Variants in RBM19 observed in about 807,000 individuals in gnomAD.
The protein encoded by RBM19 is RNA binding motif protein 19, also known as probable RNA-binding protein 19.
RBM19 carries 94 observed loss-of-function variants against 116.8 expected under a neutral mutation model. That is an observed-to-expected ratio of 0.80 (90% CI 0.68 to 0.95). RBM19 has a LOEUF of 0.95. Ranked by LOEUF, RBM19 falls within the 40% of genes least tolerant of loss-of-function variation. RBM19 has a pLI of 0.00. For missense variants in RBM19, 1,161 were observed against 1,220.7 expected, an observed-to-expected ratio of 0.95 and a Z score of 0.73; for synonymous variants, 475 against 494.1, an observed-to-expected ratio of 0.96 and a Z score of 0.51.
chr12:113,918,849 G>A (rs1445458800), intron 19 of RBM19, among the ~76,000 whole-genome samples: 2 of 152,166 alleles, frequency 1.3e-5, no homozygotes, highest in African/African-American at 4.8e-5. Context: ...TCTAAAGCTA[G>A]GTTCTAACAT....
chr12:113,837,836 TAG>T (rs1259975074), intron 23 of RBM19, among the ~76,000 whole-genome samples: 4 of 152,240 alleles, frequency 2.6e-5, no homozygotes, highest in Non-Finnish European at 5.9e-5. Context: ...GACAGGTTCA[TAG>T]ATTCTTGGAA....
intron 4 of RBM19, among the ~76,000 whole-genome samples, 200 bp from the exon 5 acceptor site, chr12:113,959,604 A>C (rs1358364043): frequency 1.3e-5 from 2 of 152,192 alleles, no homozygotes; most frequent in Non-Finnish European, 2.9e-5. Flanking sequence ...CTCACTAGAC[A>C]AAACTAAGAG....
rs747231727 is a variant in RBM19, at chr12:113,927,115, G to A, written c.2183C>T (p.Pro728Leu). ...ATTCTTAATAAACAGAGTACATCCT[G>A]GGAGGCTCTCTTCTTCTTCTTCCTC... The part of the protein sequence containing the change: ...EEEEEEEESL[P>L]GCTLFIKNLN... The change falls in exon 17 of 24, where the codon CCA becomes CTA. Residue 728 changes from proline (P) to leucine (L), a missense_variant. Coordinates refer to ENST00000261741, the MANE Select transcript of RBM19 (RefSeq NM_016196.4). 5 of 1,613,392 alleles carry A rather than the reference G, an allele frequency of 3.1e-6. No homozygotes were observed. Among genetic ancestry groups the A allele is most frequent in the East Asian group, 2.2e-5 (1 of 44,884 alleles).
intron 9 of RBM19, among the ~76,000 whole-genome samples, 168 bp from the exon 10 acceptor site, chr12:113,949,204 G>T (rs1488462435): frequency 6.6e-6 from 1 of 152,152 alleles, no homozygotes; most frequent in East Asian, 1.9e-4. Context: ...CATAAGCCAA[G>T]CCAACACCAG....
rs1349025604 is a variant in RBM19, at chr12:113,844,797, G to A, written c.2665-9C>T. 6.2e-7 allele frequency: 1 copy of A among 1,605,238 alleles called. No individual in the cohort carries two copies. Among genetic ancestry groups the A allele is most frequent in the Admixed American group, 1.7e-5 (1 of 59,036 alleles). On this transcript the variant is annotated splice_polypyrimidine_tract_variant and intron_variant, in intron 22 of 23. Coordinates refer to ENST00000261741, the MANE Select transcript of RBM19 (RefSeq NM_016196.4). The stretch of plus-strand genomic sequence containing the variant: ...AGGGCGTTGAAGGCTCTCTGCAGAG[G>A]GACAAGAAACGAAACTGCACATCAG...
chr12:113,847,704 C>G (rs1345436416), intron 22 of RBM19, among the ~76,000 whole-genome samples: 1 of 152,102 alleles, frequency 6.6e-6, no homozygotes, highest in East Asian at 1.9e-4. Context: ...GGAGGTAGGT[C>G]CGGGTGAGAG....
At chr12:113,841,746 G>A (rs1003614248) in intron 23 of RBM19, among the ~76,000 whole-genome samples, 1 of 152,118 alleles carries the variant, frequency 6.6e-6, no homozygotes, top group South Asian at 2.1e-4. Flanking sequence ...CTTGAGTGAC[G>A]TTTGCTAGTA....
intron 23 of RBM19, among the ~76,000 whole-genome samples, chr12:113,839,112 C>T (rs1191936648): frequency 3.9e-5 from 6 of 152,236 alleles, no homozygotes; most frequent in East Asian, 1.9e-4. Context: ...TGGCAGAGTT[C>T]AGGGCCGAGG....
At chr12:113,954,582 A>C (rs1286372042) in intron 7 of RBM19, among the ~76,000 whole-genome samples, 3 of 152,188 alleles carry the variant, frequency 2.0e-5, no homozygotes, top group South Asian at 2.1e-4. Flanking sequence ...GGCAATTTTT[A>C]AATATTTTTT....
At chr12:113,834,894 T>C (rs139594652) in intron 23 of RBM19, among the ~76,000 whole-genome samples, 1 of 152,322 alleles carries the variant, frequency 6.6e-6, no homozygotes. Flanking sequence ...GAGCCTGAAA[T>C]GAGACTGAGT....
Position 113,825,999 on chromosome 12 carries a change from T to TG in RBM19, c.2786-2679dup, listed in dbSNP as rs1171326276. 6.6e-6 allele frequency among the ~76,000 whole-genome samples: 1 copy of TG among 152,168 alleles called. No homozygotes were observed. Among genetic ancestry groups the TG allele is most frequent in the East Asian group, 1.9e-4 (1 of 5,190 alleles). ...TACTGAGCAGGCCCTGCCACCTCTC[T>TG]GCTTCCCTCCCACTCTGCTCAGGCA... On this transcript the variant is annotated intron_variant, in intron 23 of 23. Coordinates refer to ENST00000261741, the MANE Select transcript of RBM19 (RefSeq NM_016196.4). This position sits in a 1 kb window ranked among gnomAD's most constrained non-coding sequence, Gnocchi z 5.7.
chr12:113,913,251 GTTC>G (rs1459059296), intron 21 of RBM19, among the ~76,000 whole-genome samples: 1 of 152,190 alleles, frequency 6.6e-6, no homozygotes, highest in African/African-American at 2.4e-5. Flanking sequence ...TAATCTGGCA[GTTC>G]TTAAGTTGGA....
At chr12:113,821,402 G>A (rs1874403839), downstream of RBM19, among the ~76,000 whole-genome samples, 1 of 152,166 alleles carries the variant, frequency 6.6e-6, no homozygotes, top group Admixed American at 6.5e-5. Flanking sequence ...CAGCCAGAAG[G>A]AGCCATGTGC....
intron 23 of RBM19, among the ~76,000 whole-genome samples, chr12:113,826,543 A>G (rs1330452211): frequency 6.6e-6 from 1 of 152,190 alleles, no homozygotes. Context: ...CATGACGGAG[A>G]CACCTGCAGC....
chr12:113,837,168 TAC>T (rs1194710736), intron 23 of RBM19, among the ~76,000 whole-genome samples: 1 of 142,218 alleles, frequency 7.0e-6, no homozygotes. Context: ...CTACTTAATA[TAC>T]ACACACAGAC....
chr12:113,896,525 T>A (rs553114579), intron 21 of RBM19, among the ~76,000 whole-genome samples: 1 of 152,220 alleles, frequency 6.6e-6, no homozygotes, highest in East Asian at 1.9e-4. Flanking sequence ...AGAAAATTAA[T>A]TTTCTTCTGA....
chr12:113,908,403 T>G (rs1882207102), intron 21 of RBM19, among the ~76,000 whole-genome samples: 1 of 150,776 alleles, frequency 6.6e-6, no homozygotes, highest in African/African-American at 2.4e-5. Flanking sequence ...CAAGAGGAAA[T>G]GAGAAGGCCA....
At chr12:113,945,541 C>T (rs1346440308) in intron 13 of RBM19, among the ~76,000 whole-genome samples, 1 of 152,240 alleles carries the variant, frequency 6.6e-6, no homozygotes, top group Non-Finnish European at 1.5e-5. Flanking sequence ...GTGAGGAGTA[C>T]CACACACTAA....
intron 20 of RBM19, among the ~76,000 whole-genome samples, chr12:113,916,377 A>C (rs1368249467): frequency 1.3e-5 from 2 of 152,244 alleles, no homozygotes; most frequent in African/African-American, 4.8e-5. Context: ...ACTGCAGTCC[A>C]GCCTGGGTGA....
Sources: gnomAD v4.1 joint callset for allele counts (sites outside exome capture counted in the v4.1 genomes callset) on GRCh38, gnomAD v4.1.1 for gene constraint, Gnocchi (gnomAD v3.1) non-coding constraint, MANE v1.5 for transcripts, NCBI Gene and HGNC (gene_info 2026-07-23, HGNC 2026-07-21) for gene names.